SUGCT: variants seen among roughly 807,000 people sequenced by gnomAD.
SUGCT encodes the protein succinyl-CoA:glutarate CoA-transferase.
A neutral mutation model predicts 55.0 loss-of-function variants in SUGCT; 41 were observed. The ratio of observed to expected loss-of-function variants is 0.74; its 90% confidence interval spans 0.58 to 0.97. The LOEUF is 0.97. SUGCT is among the 50% of genes least tolerant of loss of function. SUGCT has a pLI of 0.00. For missense variants in SUGCT, 568 were observed against 547.8 expected (o/e 1.04, Z -0.37); for synonymous variants, 187 against 200.4 (o/e 0.93, Z 0.56).
intron 13 of SUGCT, among the ~76,000 whole-genome samples, chr7:40,795,562 A>C (rs557518916): frequency 1.3e-5 from 2 of 152,122 alleles, no homozygotes; most frequent in Non-Finnish European, 2.9e-5. Context: ...CATATCTTGA[A>C]CTGAAGTCAA....
intron 6 of SUGCT, 143 bp from the exon 7 acceptor site, chr7:40,237,492 G>C: frequency 1.5e-6 from 1 of 650,582 alleles, no homozygotes; most frequent in East Asian, 2.8e-5. Context: ...AATTCTTACT[G>C]CCTTCTTCAA....
chr7:40,803,350 C>T (rs532385698), intron 13 of SUGCT, among the ~76,000 whole-genome samples: 26 of 152,280 alleles, frequency 1.7e-4, no homozygotes, highest in African/African-American at 6.0e-4. Flanking sequence ...CACAACAGCT[C>T]TCTAAGTAAA....
rs141673505 is a variant in SUGCT at position 40,362,141 on chromosome 7, C to T, written c.816+45286C>T. ...GATGATTAAGAAGTTCAACCATGCC[C>T]GGCGCAGTGGCTATCGCCTGTAATC... On this transcript the variant is annotated intron_variant, in intron 9 of 13. Transcript: ENST00000335693. 3.0e-3 allele frequency among the ~76,000 whole-genome samples: 452 copies of T among 152,020 alleles called. 2 individuals are homozygous for T. The highest frequency in any genetic ancestry group is 0.01 in the African/African-American group (426 of 41,472).
intron 12 of SUGCT, among the ~76,000 whole-genome samples, chr7:40,577,180 G>A (rs1026189208): frequency 1.3e-5 from 2 of 152,212 alleles, no homozygotes; most frequent in African/African-American, 4.8e-5. Context: ...GATCCTCAGA[G>A]AGGCAGGTAC....
At chr7:40,505,340 A>C (rs1792528495) in intron 12 of SUGCT, among the ~76,000 whole-genome samples, 1 of 151,986 alleles carries the variant, frequency 6.6e-6, no homozygotes, top group African/African-American at 2.4e-5. Context: ...TAGGTTATTC[A>C]AGCCATTCGT....
the SUGCT span, among the ~76,000 whole-genome samples, chr7:40,970,503 C>G: frequency 2.0e-5 from 3 of 151,998 alleles, 1 homozygote; most frequent in East Asian, 5.8e-4. Context: ...GTATTTTTTT[C>G]ATTCAGGTAT....
At chr7:40,297,316 A>C (rs1202822343) in intron 8 of SUGCT, among the ~76,000 whole-genome samples, 2 of 151,754 alleles carry the variant, frequency 1.3e-5, no homozygotes, top group Non-Finnish European at 2.9e-5. Flanking sequence ...TAAGAGTCTT[A>C]CTTTGCTACT....
intron 11 of SUGCT, among the ~76,000 whole-genome samples, chr7:40,472,790 G>A (rs1424855437): frequency 6.6e-6 from 1 of 152,042 alleles, no homozygotes; most frequent in Non-Finnish European, 1.5e-5. Context: ...GGTAAGAAGT[G>A]CCTTCTGTTA....
At chr7:40,891,781 A>C in the SUGCT span, among the ~76,000 whole-genome samples, 1 of 152,158 alleles carries the variant, frequency 6.6e-6, no homozygotes, top group Non-Finnish European at 1.5e-5. Flanking sequence ...AGGCCGAGGC[A>C]GGCAGATCAT....
chr7:40,789,509 T>A (rs1285038781), intron 13 of SUGCT, among the ~76,000 whole-genome samples: 2 of 152,204 alleles, frequency 1.3e-5, no homozygotes, highest in Admixed American at 6.5e-5. Context: ...ATATATACAT[T>A]TTATTAATCC....
At chr7:40,646,844 G>C (rs1800541389) in intron 12 of SUGCT, among the ~76,000 whole-genome samples, 1 of 152,052 alleles carries the variant, frequency 6.6e-6, no homozygotes, top group Non-Finnish European at 1.5e-5. Context: ...CGAGGAGGCA[G>C]GTGCAATTTT....
chr7:40,808,384 A>G (rs11971799), intron 13 of SUGCT: 1 of 152,296 alleles, frequency 6.6e-6, no homozygotes, highest in African/African-American at 2.4e-5. Context: ...CAAGAACTGT[A>G]TTCAGCCAAG....
chr7:40,987,121 A>G, the SUGCT span, among the ~76,000 whole-genome samples: 2 of 152,178 alleles, frequency 1.3e-5, no homozygotes, highest in African/African-American at 2.4e-5. Context: ...TTTCTTCCCT[A>G]GAGGAGTACA....
At chr7:40,946,204 A>C in the SUGCT span, among the ~76,000 whole-genome samples, 4 of 151,278 alleles carry the variant, frequency 2.6e-5, 1 homozygote, top group African/African-American at 9.7e-5. Context: ...GATGGGATTT[A>C]TGCTTGCTTT....
At chr7:40,878,831 A>T in the SUGCT span, among the ~76,000 whole-genome samples, 3 of 147,294 alleles carry the variant, frequency 2.0e-5, no homozygotes, top group African/African-American at 5.0e-5. Context: ...GCCTTGTTCT[A>T]TAGCCAGGCT....
intron 12 of SUGCT, among the ~76,000 whole-genome samples, chr7:40,537,844 AACT>A (rs1232744924): frequency 2.0e-5 from 3 of 152,224 alleles, no homozygotes; most frequent in African/African-American, 7.2e-5. Flanking sequence ...TAGACGATTT[AACT>A]ACATTATGAG....
intron 8 of SUGCT, among the ~76,000 whole-genome samples, chr7:40,275,778 T>C (rs951304177): frequency 2.0e-5 from 3 of 152,208 alleles, no homozygotes; most frequent in African/African-American, 7.2e-5. Context: ...TTATCAGTTA[T>C]GTTGTGCTAA....
At chr7:40,167,877 A>C (rs975612279) in intron 1 of SUGCT, among the ~76,000 whole-genome samples, 4 of 152,170 alleles carry the variant, frequency 2.6e-5, no homozygotes, top group African/African-American at 7.2e-5. Context: ...TATAAAAATC[A>C]CGGACCAGAA....
chr7:40,487,078 C>CTTTTTTT (rs745766266), intron 11 of SUGCT, among the ~76,000 whole-genome samples: 5 of 93,938 alleles, frequency 5.3e-5, no homozygotes, highest in African/African-American at 9.6e-5. Flanking sequence ...TGATTTCAAT[C>CTTTTTTT]TTTTTTTTTT....
Sources: gnomAD v4.1 joint callset for allele counts (sites outside exome capture counted in the v4.1 genomes callset) on GRCh38, gnomAD v4.1.1 for gene constraint, MANE v1.5 for transcripts, NCBI Gene and HGNC (gene_info 2026-07-23, HGNC 2026-07-21) for gene names.